Variants in MAPKAP1 observed in about 807,000 individuals in gnomAD.
MAPKAP1 encodes target of rapamycin complex 2 subunit MAPKAP1.
In MAPKAP1, 20 loss-of-function variants were observed where a neutral mutation model predicts 65.7. The observed-to-expected ratio is 0.30, with a 90% CI of 0.21 to 0.44. MAPKAP1 has a LOEUF of 0.44. MAPKAP1 is among the 20% of genes least tolerant of loss of function. MAPKAP1 has a pLI of 1.00. For missense variants in MAPKAP1, 423 were observed against 648.0 expected, an observed-to-expected ratio of 0.65 and a Z score of 3.77; for synonymous variants, 222 against 244.3, an observed-to-expected ratio of 0.91 and a Z score of 0.85.
At chr9:125,610,355 T>G (rs912189565) in intron 4 of MAPKAP1, among the ~76,000 whole-genome samples, 14 of 152,210 alleles carry the variant, frequency 9.2e-5, no homozygotes, top group African/African-American at 1.7e-4. Flanking sequence ...AAAGAGCTAT[T>G]TTATCTGACT....
At chr9:125,532,592 T>C (rs1829963767) in intron 7 of MAPKAP1, among the ~76,000 whole-genome samples, 1 of 152,224 alleles carries the variant, frequency 6.6e-6, no homozygotes, top group African/African-American at 2.4e-5. Context: ...TGATTGTTGG[T>C]TGCAGCCTTT....
intron 8 of MAPKAP1, 57 bp from the exon 9 acceptor site, chr9:125,484,640 T>C: frequency 6.5e-7 from 1 of 1,527,996 alleles, no homozygotes; most frequent in Non-Finnish European, 8.9e-7. Flanking sequence ...GCAAATGGTG[T>C]CTGCTTAAAA....
rs747513701 is a variant in MAPKAP1, at chr9:125,438,990, C to T, written c.1466G>A (p.Arg489Gln). 8 of 1,613,944 alleles carry T rather than the reference C, an allele frequency of 5.0e-6. No individual in the cohort carries two copies. The highest frequency in any genetic ancestry group is 2.2e-5 in the South Asian group (2 of 91,046). ...VLKVNYILES[R>Q]ASTARADYFA... ...GTAGTCAGCCCGGGCAGTGCTAGCT[C>T]GCGATTCCAGGATGTAGTTAACCTA... is the stretch of plus-strand genomic sequence containing the variant. The change falls in exon 12 of 12, where the codon CGA (arginine) becomes CAA (glutamine). Residue 489 changes from arginine to glutamine, a missense_variant. Transcript: ENST00000265960.
At chr9:125,573,077 T>C (rs1831285647) in intron 5 of MAPKAP1, 1 of 108,606 alleles carries the variant, frequency 9.2e-6, no homozygotes, top group Admixed American at 1.1e-4. Flanking sequence ...ACTCTTACGA[T>C]TAAAGAGTTC....
chr9:125,621,343 A>G (rs916132764), intron 4 of MAPKAP1, among the ~76,000 whole-genome samples: 1 of 152,156 alleles, frequency 6.6e-6, no homozygotes, highest in Non-Finnish European at 1.5e-5. Context: ...CATGGTGGAC[A>G]TGTACTATCT....
At chr9:125,507,819 G>A (rs571031788) in intron 7 of MAPKAP1, among the ~76,000 whole-genome samples, 1 of 152,140 alleles carries the variant, frequency 6.6e-6, no homozygotes, top group East Asian at 1.9e-4. Context: ...ATATCAAAAA[G>A]GTATTGTGTT....
intron 1 of MAPKAP1, among the ~76,000 whole-genome samples, chr9:125,699,074 G>A (rs914129106): frequency 1.3e-5 from 2 of 152,042 alleles, no homozygotes; most frequent in Non-Finnish European, 2.9e-5. Context: ...TTCAGACTCT[G>A]GATTTTCTTT....
chr9:125,572,511 G>A (rs140894528), intron 5 of MAPKAP1, among the ~76,000 whole-genome samples: 1 of 152,204 alleles, frequency 6.6e-6, no homozygotes. Flanking sequence ...TATGTTTCAA[G>A]AACTATGGTA....
At chr9:125,577,596 C>T (rs1280770228) in intron 5 of MAPKAP1, among the ~76,000 whole-genome samples, 1 of 119,060 alleles carries the variant, frequency 8.4e-6, no homozygotes, top group South Asian at 3.1e-4. Flanking sequence ...CCAGCCGCCC[C>T]GTCCGGGAGG....
At chr9:125,701,409 G>A (rs77575536) in intron 1 of MAPKAP1, among the ~76,000 whole-genome samples, 2,968 of 152,260 alleles carry the variant, frequency 0.019, 156 homozygotes, top group East Asian at 0.15. Flanking sequence ...AAAGATCCGA[G>A]GATTTGTAAG....
intron 4 of MAPKAP1, among the ~76,000 whole-genome samples, chr9:125,637,647 CCT>C (rs1392122145): frequency 2.6e-5 from 4 of 152,178 alleles, no homozygotes; most frequent in South Asian, 2.1e-4. Flanking sequence ...GGGGTTTTCT[CCT>C]CTCTGTTTCT....
At chr9:125,629,306 T>C (rs922919025) in intron 4 of MAPKAP1, among the ~76,000 whole-genome samples, 1 of 152,236 alleles carries the variant, frequency 6.6e-6, no homozygotes, top group Non-Finnish European at 1.5e-5. Context: ...TGTACTTCCA[T>C]GTTCAGCACA....
At chr9:125,604,997 A>G (rs1832401746) in intron 4 of MAPKAP1, among the ~76,000 whole-genome samples, 1 of 152,236 alleles carries the variant, frequency 6.6e-6, no homozygotes, top group African/African-American at 2.4e-5. Context: ...GACAGTGGGA[A>G]CAAAAATACT....
chr9:125,464,395 G>A (rs1298074086), intron 10 of MAPKAP1, among the ~76,000 whole-genome samples: 2 of 151,972 alleles, frequency 1.3e-5, no homozygotes, highest in Non-Finnish European at 2.9e-5. Flanking sequence ...GGCTTATGAC[G>A]TCTTTCAAAA....
chr9:125,521,481 AAC>A (rs1435295528), intron 7 of MAPKAP1: 22 of 1,246,614 alleles, frequency 1.8e-5, no homozygotes, highest in Non-Finnish European at 2.2e-5. Flanking sequence ...TGTGGAAATA[AAC>A]AGTCATTTAT....
intron 1 of MAPKAP1, among the ~76,000 whole-genome samples, chr9:125,698,287 AAAT>A (rs1381608126): frequency 0.017 from 456 of 27,082 alleles, 22 homozygotes; most frequent in African/African-American, 0.061. Context: ...TAATATATAT[AAAT>A]ATATATATAT....
At chr9:125,540,032 T>C (rs965005001) in intron 7 of MAPKAP1, among the ~76,000 whole-genome samples, 1 of 152,232 alleles carries the variant, frequency 6.6e-6, no homozygotes, top group African/African-American at 2.4e-5. Context: ...TTTGAGTTGA[T>C]GAAATAATTA....
chr9:125,672,185 T>C, intron 2 of MAPKAP1, 131 bp downstream of exon 2: 1 of 963,586 alleles, frequency 1.0e-6, no homozygotes, highest in South Asian at 1.7e-5. Flanking sequence ...TCACTCTTAG[T>C]CTGACATATG....
chr9:125,514,732 T>C (rs1829410507), intron 7 of MAPKAP1, among the ~76,000 whole-genome samples: 1 of 152,158 alleles, frequency 6.6e-6, no homozygotes, highest in Admixed American at 6.5e-5. Flanking sequence ...ATCAGCTTTA[T>C]ATTTTGGTGA....
Sources: allele counts gnomAD v4.1 joint callset (sites outside exome capture counted in the v4.1 genomes callset), GRCh38; gene constraint gnomAD v4.1.1; transcripts MANE v1.5; gene names NCBI Gene and HGNC (gene_info 2026-07-23, HGNC 2026-07-21).